Variants in USP31 observed in about 807,000 individuals in gnomAD.
The protein encoded by USP31 is ubiquitin specific peptidase 31.
USP31 carries 44 observed loss-of-function variants against 119.4 expected under a neutral mutation model. That is an observed-to-expected ratio of 0.37 (90% CI 0.29 to 0.47). USP31 has a LOEUF of 0.47. Among genes scored for constraint, USP31 ranks in the 20% least tolerant of loss-of-function variants. USP31 has a pLI of 0.99. For synonymous variants in USP31, 749 were observed against 705.6 expected (o/e 1.06, Z -0.97); for missense variants, 1,643 against 1,730.2 (o/e 0.95, Z 0.89).
chr16:23,142,430 A>C (rs936103838), intron 1 of USP31, among the ~76,000 whole-genome samples: 5 of 152,206 alleles, frequency 3.3e-5, no homozygotes, highest in Admixed American at 6.5e-5. Flanking sequence ...TCTCAGAGGA[A>C]AAAATGTTAC....
At chr16:23,070,582 C>T (rs1003488497) in intron 15 of USP31, among the ~76,000 whole-genome samples, 2 of 151,954 alleles carry the variant, frequency 1.3e-5, no homozygotes, top group African/African-American at 4.8e-5. Flanking sequence ...GGTGTGGTGG[C>T]AGGTGCCTGT....
intron 2 of USP31, 137 bp from the exon 3 acceptor site, chr16:23,106,624 C>T (rs1209714008): frequency 1.2e-6 from 1 of 856,114 alleles, no homozygotes; most frequent in African/African-American, 1.7e-5. Context: ...TGACGGGCAC[C>T]TGCTAAAGGA....
At chr16:23,072,587 C>A in intron 14 of USP31, 2 of 505,090 alleles carry the variant, frequency 4.0e-6, no homozygotes, top group Non-Finnish European at 6.9e-6. Flanking sequence ...ATATTTCTTA[C>A]ACAAAGAGAA....
intron 9 of USP31, 31 bp downstream of exon 9, chr16:23,087,060 TA>T: frequency 6.5e-7 from 1 of 1,536,442 alleles, no homozygotes; most frequent in Non-Finnish European, 8.9e-7. Flanking sequence ...TGTGAGATTC[TA>T]AAAGGTAATT....
rs80076737 is a variant in USP31 at position 23,134,335 on chromosome 16, G to A, written c.633+14303C>T. On this transcript the variant is annotated intron_variant, in intron 1 of 15. Transcript: ENST00000219689. ...AATAAGCAGGATGATCATAAGGTTG[G>A]AGTAACAATGGTAACAACATCAGTT... Among the ~76,000 whole-genome samples the A allele has an allele frequency of 8.8e-3, 1,344 of 152,200 alleles. 22 individuals are homozygous for A. The highest frequency in any genetic ancestry group is 0.031 in the African/African-American group (1,277 of 41,522).
At chr16:23,119,493 C>T (rs1195243866) in intron 1 of USP31, among the ~76,000 whole-genome samples, 2 of 152,128 alleles carry the variant, frequency 1.3e-5, no homozygotes, top group African/African-American at 4.8e-5. Context: ...AATGATTTGT[C>T]CCCATATAGG....
At chr16:23,073,907 C>A in intron 13 of USP31, 27 bp from the exon 14 acceptor site, 3 of 1,612,948 alleles carry the variant, frequency 1.9e-6, no homozygotes, top group Non-Finnish European at 2.5e-6. Flanking sequence ...GCCATCAGCA[C>A]CAGGGGAGGC....
intron 15 of USP31, among the ~76,000 whole-genome samples, chr16:23,070,566 T>C (rs1437506630): frequency 2.6e-5 from 4 of 151,830 alleles, no homozygotes; most frequent in Non-Finnish European, 5.9e-5. Flanking sequence ...ACAAAAAAAT[T>C]AGCCAGGTGT....
rs776805146 is a variant in USP31, at chr16:23,068,272, G to A, written c.3833C>T (p.Pro1278Leu). The A allele has an allele frequency of 3.7e-6, 6 of 1,614,082 alleles. No individual in the cohort carries two copies. The East Asian group carries it at 1.1e-4, about 30-fold the overall frequency. Residue 1278 changes from proline (P) to leucine (L), a missense_variant, in exon 16 of 16, where the codon CCA becomes CTA. Physicochemically the swap from Pro to Leu is moderately conservative, Grantham distance 98 (BLOSUM62 -3). Around this residue, in one of 5 missense-constraint regions of USP31, gnomAD observed 699 missense variants for 650.9 expected, o/e 1.07. Coordinates refer to ENST00000219689, the MANE Select transcript of USP31 (RefSeq NM_020718.4). ...ATTTGCATTTGGCTGCTGGGAAGCT[G>A]GAGGCTGGTGGCCTCTCTCTGCCTC... is the stretch of plus-strand genomic sequence containing the variant. The part of the protein sequence containing the change: ...DDEAERGHQP[P>L]ASQQPNANTT...
chr16:23,069,168 G>C lies in USP31; in HGVS notation c.2937C>G (p.Leu979=). The part of the protein sequence containing the change: ...HSAQGDRLPP[L]SGPFDNNNQI... Reference sequence around the variant, plus strand: ...GATTATTGTTATCAAATGGACCAGAGAGCGGGGGCAGGCGGTCCCCTTGTG... The same window carrying C: ...GATTATTGTTATCAAATGGACCAGACAGCGGGGGCAGGCGGTCCCCTTGTG... The change falls in exon 16 of 16, where the codon CTC becomes CTG. Residue 979 remains leucine (L), a synonymous_variant. Coordinates refer to ENST00000219689, the MANE Select transcript of USP31 (RefSeq NM_020718.4). 1 of 1,614,142 alleles carries C rather than the reference G, an allele frequency of 6.2e-7. No individual in the cohort carries two copies. Among genetic ancestry groups the C allele is most frequent in the Middle Eastern group, 1.6e-4 (1 of 6,062 alleles).
At chr16:23,119,725 T>C (rs1441223989) in intron 1 of USP31, among the ~76,000 whole-genome samples, 1 of 152,248 alleles carries the variant, frequency 6.6e-6, no homozygotes, top group Non-Finnish European at 1.5e-5. Context: ...CTAATTGGCA[T>C]GTTATTTGAG....
intron 1 of USP31, among the ~76,000 whole-genome samples, chr16:23,133,739 G>A (rs1903100051): frequency 1.3e-5 from 2 of 152,114 alleles, no homozygotes; most frequent in Admixed American, 6.6e-5. Flanking sequence ...TTCAGCAAAC[G>A]TGGTTACCTG....
rs752120928 is a variant in USP31 at position 23,148,759 on chromosome 16, T to G, written c.512A>C (p.Asp171Ala). 48 of 1,517,090 alleles carry G rather than the reference T, an allele frequency of 3.2e-5. No homozygotes were observed. The highest frequency in any genetic ancestry group is 4.0e-5 in the Non-Finnish European group (45 of 1,137,806). The allele number at this position is 1,517,090 out of a possible 1,614,324, so 94.0% of individuals were successfully genotyped here. The change falls in exon 1 of 16, where the codon GAC (aspartate) becomes GCC (alanine). Residue 171 changes from aspartate (D) to alanine (A), a missense_variant. Asp to Ala is a moderately radical substitution (Grantham distance 126, BLOSUM62 -2). Coordinates refer to ENST00000219689, the MANE Select transcript of USP31 (RefSeq NM_020718.4). Reference sequence around the variant, plus strand: ...GCCGCGGCCCGCAGGCTGCTCCGGGTCAGGCGAGGGCTCGGGCCGCCCCGC... The same window carrying G: ...GCCGCGGCCCGCAGGCTGCTCCGGGGCAGGCGAGGGCTCGGGCCGCCCCGC... Reference protein sequence around the residue: ...YRAGRPEPSPDPEQPAGRGAQ... With the variant: ...YRAGRPEPSPAPEQPAGRGAQ...
chr16:23,078,413 C>T (rs28700957), intron 13 of USP31, among the ~76,000 whole-genome samples: 4,296 of 152,070 alleles, frequency 0.028, 190 homozygotes, highest in African/African-American at 0.098. Flanking sequence ...AGAAGGCATG[C>T]GCCACTCACC....
At chr16:23,145,723 T>C (rs886494175) in intron 1 of USP31, among the ~76,000 whole-genome samples, 1 of 152,198 alleles carries the variant, frequency 6.6e-6, no homozygotes, top group Non-Finnish European at 1.5e-5. Context: ...GAATCCTTGT[T>C]GGGCCCAACG....
intron 11 of USP31, among the ~76,000 whole-genome samples, chr16:23,082,853 CAG>C (rs1249390958): frequency 2.9e-5 from 2 of 68,646 alleles, no homozygotes; most frequent in Non-Finnish European, 6.7e-5. Flanking sequence ...TTTTTTGAAA[CAG>C]AGTGTCACTC....
chr16:23,126,201 T>C (rs1238199077), intron 1 of USP31, among the ~76,000 whole-genome samples: 5 of 151,568 alleles, frequency 3.3e-5, no homozygotes, highest in Admixed American at 6.6e-5. Context: ...CAGGCACCTG[T>C]TGTCCCAGCT....
chr16:23,121,453 C>T (rs149561922), intron 1 of USP31, among the ~76,000 whole-genome samples: 3,804 of 152,312 alleles, frequency 0.025, 58 homozygotes, highest in African/African-American at 0.041. Context: ...CCAGCCTAGG[C>T]CTGGCCTGGC....
intron 10 of USP31, 74 bp from the exon 11 acceptor site, chr16:23,085,063 T>G (rs1901048906): frequency 6.4e-7 from 1 of 1,561,732 alleles, no homozygotes; most frequent in Non-Finnish European, 8.7e-7. Context: ...TATGGCTTCA[T>G]GAAGTGACTA....
Sources: allele counts gnomAD v4.1 joint callset (sites outside exome capture counted in the v4.1 genomes callset), GRCh38; gene constraint gnomAD v4.1.1; regional missense constraint gnomAD v4.1.1; transcripts MANE v1.5; gene names NCBI Gene and HGNC (gene_info 2026-07-23, HGNC 2026-07-21).